The following TXNRD3 variants were observed in gnomAD, a reference collection of about 807,000 sequenced individuals.
TXNRD3 encodes TXNRD3 neighbor gene protein.
TXNRD3 carries 68 observed loss-of-function variants against 78.2 expected under a neutral mutation model. The ratio of observed to expected loss-of-function variants is 0.87; its 90% CI spans 0.72 to 1.06. TXNRD3 has a LOEUF of 1.06. TXNRD3 is among the 50% of genes least tolerant of loss of function. TXNRD3 has a pLI of 0.00. For missense variants in TXNRD3, 751 were observed against 809.5 expected (o/e 0.93, Z 0.88); for synonymous variants, 296 against 300.1 (o/e 0.99, Z 0.14).
At chr3:126,638,498 C>G (rs1050719577) in intron 6 of TXNRD3, among the ~76,000 whole-genome samples, 6 of 152,100 alleles carry the variant, frequency 3.9e-5, no homozygotes, top group African/African-American at 1.4e-4. Context: ...CTTTGGGAGG[C>G]CAAGGTGGGT....
chr3:126,626,970 C>T (rs1938593869), intron 10 of TXNRD3, among the ~76,000 whole-genome samples: 2 of 151,740 alleles, frequency 1.3e-5, no homozygotes, highest in Non-Finnish European at 2.9e-5. Context: ...TGCCTGTGGT[C>T]CTAGCAACTA....
intron 12 of TXNRD3, among the ~76,000 whole-genome samples, chr3:126,617,739 G>A (rs1219300496): frequency 6.6e-6 from 1 of 152,214 alleles, no homozygotes; most frequent in Admixed American, 6.5e-5. Context: ...CAGTCAGGAT[G>A]AGAAAGAAAT....
rs1559782427 is a variant in TXNRD3 at position 126,654,940 on chromosome 3, G to C, written c.51C>G (p.Ala17=). 2.5e-5 allele frequency: 33 copies of C among 1,296,412 alleles called. No individual in the cohort carries two copies. Among genetic ancestry groups the C allele is most frequent in the Non-Finnish European group, 3.1e-5 (32 of 1,028,222 alleles). 80.3% of individuals were successfully genotyped at this position (1,296,412 alleles called of 1,614,324 possible). Residue 17 remains alanine, a synonymous_variant, in exon 1 of 16, where the codon GCC becomes GCG. Transcript: ENST00000524230. Reference sequence around the variant, plus strand: ...GGACATGGCCCGAGCGGCGGTTGGGGGCATCGCCCGCCTTTCCCGGCCCGG... The same window carrying C: ...GGACATGGCCCGAGCGGCGGTTGGGCGCATCGCCCGCCTTTCCCGGCCCGG...
chr3:126,623,852 C>A (rs35340821), intron 10 of TXNRD3, among the ~76,000 whole-genome samples: 62,922 of 107,168 alleles, frequency 0.59, 18,294 homozygotes, highest in Non-Finnish European at 0.65. Flanking sequence ...GAAACAAGGC[C>A]AAAAAAAAAA....
rs115267134 is a variant in TXNRD3, at chr3:126,642,036, T to C, written c.708A>G (p.Gln236=). 466 of 1,534,580 alleles carry C rather than the reference T, an allele frequency of 3.0e-4. No homozygotes were observed. The highest frequency in any genetic ancestry group is 5.0e-4 in the Middle Eastern group (3 of 5,980). ...ACTTTATGAACCATTACTCACCTTG[T>C]TGATTATATTCCCAGCCAAATTTCC... is the stretch of plus-strand genomic sequence containing the variant. Residue 236 remains glutamine, a synonymous_variant, in exon 6 of 16, where the codon CAA becomes CAG. Transcript: ENST00000524230.
At chr3:126,638,462 G>A (rs908725086) in intron 6 of TXNRD3, among the ~76,000 whole-genome samples, 15 of 152,254 alleles carry the variant, frequency 9.9e-5, no homozygotes, top group South Asian at 2.1e-4. Context: ...AGCCGGGCAC[G>A]GTGGCTCATG....
chr3:126,630,122 A>G (rs1293637921), intron 9 of TXNRD3, among the ~76,000 whole-genome samples: 1 of 152,272 alleles, frequency 6.6e-6, no homozygotes, highest in African/African-American at 2.4e-5. Flanking sequence ...GAAGCCAGAA[A>G]GGAAGGTGCT....
chr3:126,608,692 C>G, intron 14 of TXNRD3, 59 bp from the exon 15 acceptor site: 1 of 1,461,998 alleles, frequency 6.8e-7, no homozygotes, highest in Middle Eastern at 1.8e-4. Context: ...GAATATGGAT[C>G]CATTCACTGC....
intron 10 of TXNRD3, among the ~76,000 whole-genome samples, chr3:126,627,609 G>A (rs1938609747): frequency 6.6e-6 from 1 of 151,976 alleles, no homozygotes; most frequent in Non-Finnish European, 1.5e-5. Context: ...CAATACATTT[G>A]AAAACTCAGA....
At chr3:126,612,406 T>C (rs1477594532) in intron 13 of TXNRD3, among the ~76,000 whole-genome samples, 23 of 152,162 alleles carry the variant, frequency 1.5e-4, no homozygotes, top group Non-Finnish European at 1.5e-5. Context: ...TTTCTTTATC[T>C]TAGGATACAC....
At chr3:126,614,598 T>TAA (rs976679269) in intron 13 of TXNRD3, among the ~76,000 whole-genome samples, 2 of 152,174 alleles carry the variant, frequency 1.3e-5, no homozygotes, top group Non-Finnish European at 2.9e-5. Flanking sequence ...AATAACCATC[T>TAA]AAAATAACAT....
chr3:126,622,596 G>A (rs1938484030), intron 10 of TXNRD3, 56 bp from the exon 11 acceptor site: 2 of 1,292,156 alleles, frequency 1.5e-6, no homozygotes, highest in Non-Finnish European at 2.1e-6. Flanking sequence ...ATGAAAGAAG[G>A]AACATCACTA....
chr3:126,647,812 G>A (rs1001426146), intron 1 of TXNRD3, among the ~76,000 whole-genome samples: 3 of 152,154 alleles, frequency 2.0e-5, no homozygotes, highest in East Asian at 1.9e-4. Context: ...AACAGCCTGG[G>A]TGACACAGCA....
At chr3:126,637,992 G>T (rs868391554) in intron 6 of TXNRD3, among the ~76,000 whole-genome samples, 1 of 123,816 alleles carries the variant, frequency 8.1e-6, no homozygotes, top group Admixed American at 1.0e-4. Flanking sequence ...CGCCCAGGCT[G>T]GAGAGCAGTG....
At chr3:126,644,456 T>C (rs974719820) in intron 3 of TXNRD3, 55 bp from the exon 4 acceptor site, 14 of 1,201,088 alleles carry the variant, frequency 1.2e-5, no homozygotes, top group Admixed American at 1.1e-4. Flanking sequence ...TTTACAGCTA[T>C]TTATGTACAC....
At chr3:126,639,929 C>T (rs1428827194) in intron 6 of TXNRD3, among the ~76,000 whole-genome samples, 6 of 151,978 alleles carry the variant, frequency 3.9e-5, no homozygotes, top group Admixed American at 2.6e-4. Context: ...AAAACTACCC[C>T]AAAATTACAC....
intron 12 of TXNRD3, among the ~76,000 whole-genome samples, chr3:126,620,294 CAAAAAAAAAAA>C (rs10539573): frequency 4.0e-5 from 4 of 99,530 alleles, no homozygotes; most frequent in African/African-American, 1.2e-4. Context: ...GACTCTGTCT[CAAAAAAAAAAA>C]AAAAAAAAAA....
intron 9 of TXNRD3, 71 bp from the exon 10 acceptor site, chr3:126,629,542 C>A: frequency 4.2e-6 from 5 of 1,184,570 alleles, no homozygotes; most frequent in Non-Finnish European, 4.8e-6. Context: ...AGGGTCTACA[C>A]CGGTATGTTC....
intron 7 of TXNRD3, among the ~76,000 whole-genome samples, chr3:126,633,218 T>TA (rs995889375): frequency 1.3e-5 from 2 of 152,260 alleles, no homozygotes; most frequent in East Asian, 1.9e-4. Context: ...CCTGTTAAAT[T>TA]AAAAAAATTT....
Sources: allele counts gnomAD v4.1 joint callset (sites outside exome capture counted in the v4.1 genomes callset), GRCh38; gene constraint gnomAD v4.1.1; transcripts MANE v1.5; gene names NCBI Gene and HGNC (gene_info 2026-07-23, HGNC 2026-07-21).